Variants in RPS11 observed in about 807,000 individuals in gnomAD.
RPS11 encodes the protein ribosomal protein S11, also known as small ribosomal subunit protein uS17.
For missense variants in RPS11, 127 were observed against 211.4 expected (o/e 0.60, Z 2.48); for synonymous variants, 107 against 78.0 (o/e 1.37, Z -1.96).
At chr19:49,496,498 G>T in intron 1 of RPS11, 27 bp downstream of exon 1, 1 of 1,605,690 alleles carries the variant, frequency 6.2e-7, no homozygotes, top group Non-Finnish European at 8.5e-7. Flanking sequence ...GGATGCCAGG[G>T]TGCGGGGTCC....
At chr19:49,497,700 C>A in intron 3 of RPS11, 105 bp downstream of exon 3, 1 of 1,203,002 alleles carries the variant, frequency 8.3e-7, no homozygotes, top group Non-Finnish European at 1.2e-6. Flanking sequence ...GGAATGCAAA[C>A]TTGTAGGTCC....
chr19:49,499,012 A>T (rs1282342699), intron 4 of RPS11, among the ~76,000 whole-genome samples: 1 of 152,196 alleles, frequency 6.6e-6, no homozygotes, highest in Non-Finnish European at 1.5e-5. Context: ...GGGCACCTTC[A>T]AGCAGTGTGG....
chr19:49,497,768 A>G (rs201543860), intron 3 of RPS11, 149 bp from the exon 4 acceptor site: 4 of 1,215,668 alleles, frequency 3.3e-6, no homozygotes, highest in Non-Finnish European at 4.9e-6. Flanking sequence ...CCACGTGGGC[A>G]CTGCTGAGAA....
chr19:49,498,363 T>C (rs2079917930), intron 4 of RPS11: 2 of 368,622 alleles, frequency 5.4e-6, no homozygotes, highest in South Asian at 2.5e-5. Context: ...AGCCTGAAAG[T>C]AGTCTTACGC....
intron 4 of RPS11, among the ~76,000 whole-genome samples, chr19:49,498,724 T>C (rs1399719177): frequency 3.3e-5 from 5 of 152,180 alleles, no homozygotes; most frequent in Non-Finnish European, 7.3e-5. Flanking sequence ...CTCTCCGGCC[T>C]GGGCGACAGA....
Position 49,497,630 on chromosome 19 carries a change from A to G in RPS11, c.223+35A>G, listed in dbSNP as rs374969981. On this transcript the variant is annotated intron_variant, in intron 3 of 4. Transcript: ENST00000270625. ...GGAGTTACTGGTGTCTGGGGCCTGAAATACTGAAAGAAGGGTCTTGGGGCC... is the reference window on the plus strand; with the variant it reads ...GGAGTTACTGGTGTCTGGGGCCTGAGATACTGAAAGAAGGGTCTTGGGGCC... 49 of 1,589,186 alleles carry G rather than the reference A, an allele frequency of 3.1e-5. No homozygotes were observed. The African/African-American group carries it at 4.4e-4, about 14-fold the overall frequency.
intron 4 of RPS11, 64 bp downstream of exon 4, chr19:49,498,110 G>A: frequency 6.3e-7 from 1 of 1,597,330 alleles, no homozygotes; most frequent in Admixed American, 1.7e-5. Context: ...TTCCAGATCG[G>A]ACCAATTTAA....
chr19:49,496,495 A>G (rs769437537), intron 1 of RPS11, 24 bp downstream of exon 1: 7 of 1,606,532 alleles, frequency 4.4e-6, no homozygotes, highest in African/African-American at 1.4e-5. Flanking sequence ...GTTGGATGCC[A>G]GGGTGCGGGG....
intron 1 of RPS11, among the ~76,000 whole-genome samples, chr19:49,496,708 A>G (rs923292965): frequency 1.3e-5 from 2 of 152,110 alleles, no homozygotes; most frequent in Admixed American, 6.6e-5. Context: ...TACCTTCTTA[A>G]AAACCAAGTT....
chr19:49,497,392 C>CT, intron 2 of RPS11, 67 bp downstream of exon 2: 4 of 1,607,318 alleles, frequency 2.5e-6, no homozygotes, highest in Non-Finnish European at 2.6e-6. Context: ...CGACGAGTTG[C>CT]CCTGCCTGCA....
intron 4 of RPS11, chr19:49,498,357 T>C (rs1214843917): frequency 1.1e-5 from 4 of 378,952 alleles, no homozygotes; most frequent in Non-Finnish European, 2.0e-5. Context: ...TCACATAGCC[T>C]GAAAGTAGTC....
In RPS11 at chr19:49,499,610, C is replaced by G; in HGVS notation, c.452C>G (p.Thr151Ser). The G allele has an allele frequency of 6.2e-7, 1 of 1,613,790 alleles. No homozygotes were observed. The highest frequency in any genetic ancestry group is 8.5e-7 in the Non-Finnish European group (1 of 1,179,852). The change falls in exon 5 of 5, where the codon ACC becomes AGC. Residue 151 changes from threonine (T) to serine (S), a missense_variant. Transcript: ENST00000270625. ...CTCAAGGTCACCAAGGCTGCCGGCACCAAGAAGCAGTTCCAGAAGTTCTGA... is the reference window on the plus strand; with the variant it reads ...CTCAAGGTCACCAAGGCTGCCGGCAGCAAGAAGCAGTTCCAGAAGTTCTGA... ...NVLKVTKAAG[T>S]KKQFQKF is the part of the protein sequence containing the mutation.
intron 1 of RPS11, 113 bp downstream of exon 1, chr19:49,496,584 G>A: frequency 8.5e-7 from 1 of 1,173,598 alleles, no homozygotes. Context: ...GGGCGTCCGT[G>A]ATTATTTTCT....
Position 49,497,237 on chromosome 19 carries a change from A to G in RPS11, c.59A>G (p.Lys20Arg), listed in dbSNP as rs1230998619. ...AAGCAGCCGACCATCTTTCAAAACA[A>G]GAAGAGGGTCCTGCTGGGAGAAACT... ...YQKQPTIFQN[K>R]KRVLLGETGK... The change falls in exon 2 of 5, where the codon AAG (lysine) becomes AGG (arginine). Residue 20 changes from lysine to arginine, a missense_variant. Lys to Arg is a conservative substitution (Grantham distance 26). Transcript: ENST00000270625. The G allele has an allele frequency of 6.2e-7, 1 of 1,614,116 alleles. No homozygotes were observed. Among genetic ancestry groups the G allele is most frequent in the Non-Finnish European group, 8.5e-7 (1 of 1,180,004 alleles).
At chr19:49,497,172 G>A (rs770632770) in intron 1 of RPS11, 22 bp from the exon 2 acceptor site, 1 of 1,611,118 alleles carries the variant, frequency 6.2e-7, no homozygotes, top group Non-Finnish European at 8.5e-7. Context: ...CAGCTCATCA[G>A]TTTTCTCCTC....
At chr19:49,498,710 A>G (rs1225463862) in intron 4 of RPS11, among the ~76,000 whole-genome samples, 1 of 152,176 alleles carries the variant, frequency 6.6e-6, no homozygotes, top group Non-Finnish European at 1.5e-5. Flanking sequence ...AGATGGCAGC[A>G]CTGCTCTCCG....
chr19:49,498,930 T>C (rs1311946032), intron 4 of RPS11, among the ~76,000 whole-genome samples: 1 of 152,170 alleles, frequency 6.6e-6, no homozygotes, highest in Non-Finnish European at 1.5e-5. Context: ...TTAGAGCTTA[T>C]CACGTACCAG....
chr19:49,499,643 C>T lies in RPS11; in HGVS notation c.*8C>T, dbSNP rs1490899321. On this transcript the variant is annotated 3_prime_UTR_variant, in exon 5 of 5. Transcript: ENST00000270625. ...CAGTTCCAGAAGTTCTGAGGCTGGA[C>T]ATCGGCCCGCTCCCCACAATGAAAT... is the stretch of plus-strand genomic sequence containing the variant. 2 of 1,612,556 alleles carry T rather than the reference C, an allele frequency of 1.2e-6. No individual in the cohort carries two copies. The highest frequency in any genetic ancestry group is 1.3e-5 in the African/African-American group (1 of 74,872).
intron 1 of RPS11, 147 bp from the exon 2 acceptor site, chr19:49,497,047 G>A (rs1427358260): frequency 1.2e-5 from 10 of 810,432 alleles, no homozygotes; most frequent in Non-Finnish European, 2.0e-5. Context: ...CTTAGAGGGT[G>A]ATTCTGGGGC....
Sources: gnomAD v4.1 joint callset for allele counts (sites outside exome capture counted in the v4.1 genomes callset) on GRCh38, gnomAD v4.1.1 for gene constraint, MANE v1.5 for transcripts, NCBI Gene and HGNC (gene_info 2026-07-23, HGNC 2026-07-21) for gene names.